Variants in COMMD1 observed in about 807,000 individuals in gnomAD.
COMMD1 encodes the protein copper metabolism domain containing 1, also known as COMM domain-containing protein 1.
In COMMD1, 10 loss-of-function variants were observed where a neutral mutation model predicts 17.2. The observed-to-expected ratio is 0.58, with a 90% confidence interval of 0.36 to 0.99. The LOEUF (loss-of-function observed/expected upper bound fraction) is 0.99, where lower values mean the gene tolerates loss of function less well. Among genes scored for constraint, COMMD1 ranks in the 50% least tolerant of loss-of-function variants. The pLI is 0.01. For synonymous variants in COMMD1, 97 were observed against 91.6 expected, an observed-to-expected ratio of 1.06 and a Z score of -0.34; for missense variants, 270 against 231.8, an observed-to-expected ratio of 1.17 and a Z score of -1.07.
At chr2:61,945,973 A>T (rs1243062074) in intron 1 of COMMD1, among the ~76,000 whole-genome samples, 3 of 152,164 alleles carry the variant, frequency 2.0e-5, no homozygotes, top group Non-Finnish European at 4.4e-5. Context: ...ATTAATGTTG[A>T]TGCTAGAGGG....
chr2:61,962,867 A>C (rs1573006582), intron 1 of COMMD1, among the ~76,000 whole-genome samples: 1 of 151,970 alleles, frequency 6.6e-6, no homozygotes, highest in South Asian at 2.1e-4. Flanking sequence ...TGCTATAATC[A>C]AACTATAATT....
At chr2:62,130,689 C>T (rs1213003788) in intron 2 of COMMD1, among the ~76,000 whole-genome samples, 2 of 152,088 alleles carry the variant, frequency 1.3e-5, no homozygotes, top group Non-Finnish European at 2.9e-5. Context: ...CTAAATGGTT[C>T]TATTCAAGTA....
At chr2:61,953,560 G>C (rs866167590) in intron 1 of COMMD1, among the ~76,000 whole-genome samples, 1 of 151,752 alleles carries the variant, frequency 6.6e-6, no homozygotes, top group Admixed American at 6.6e-5. Flanking sequence ...AGTAGAGACA[G>C]GGTTTCACCA....
At chr2:61,976,717 G>A (rs903540094) in intron 1 of COMMD1, among the ~76,000 whole-genome samples, 1 of 152,170 alleles carries the variant, frequency 6.6e-6, no homozygotes, top group Admixed American at 6.5e-5. Flanking sequence ...GAGATGAAGA[G>A]GTGGAACACA....
At chr2:61,909,980 C>T (rs1223677398) in intron 1 of COMMD1, among the ~76,000 whole-genome samples, 1 of 152,180 alleles carries the variant, frequency 6.6e-6, no homozygotes, top group Non-Finnish European at 1.5e-5. Flanking sequence ...GTTCTGTTTT[C>T]TGTTTAGAAT....
intron 2 of COMMD1, among the ~76,000 whole-genome samples, chr2:62,050,229 A>G (rs914904690): frequency 5.3e-5 from 8 of 152,232 alleles, no homozygotes; most frequent in Non-Finnish European, 1.0e-4. Context: ...TGCTTTAAGT[A>G]TCACTTTAAC....
chr2:62,076,653 A>G (rs572355398), intron 2 of COMMD1, among the ~76,000 whole-genome samples: 2 of 152,270 alleles, frequency 1.3e-5, no homozygotes, highest in South Asian at 2.1e-4. Flanking sequence ...AGGCTGAGGC[A>G]TGAGAATCAT....
chr2:61,931,453 G>A (rs1484228186), intron 1 of COMMD1, among the ~76,000 whole-genome samples: 1 of 152,198 alleles, frequency 6.6e-6, no homozygotes, highest in Non-Finnish European at 1.5e-5. Context: ...CTGCTTTTTG[G>A]CAAAGCCTTC....
intron 1 of COMMD1, among the ~76,000 whole-genome samples, chr2:61,909,907 C>T (rs1009064558): frequency 1.3e-5 from 2 of 152,168 alleles, no homozygotes; most frequent in Non-Finnish European, 2.9e-5. Flanking sequence ...AGCTGTAGCC[C>T]TTCCCTCTGA....
At chr2:62,106,764 A>C (rs1558602403) in intron 2 of COMMD1, among the ~76,000 whole-genome samples, 1 of 152,246 alleles carries the variant, frequency 6.6e-6, no homozygotes, top group African/African-American at 2.4e-5. Context: ...ATACTGCAGA[A>C]GTTTTCTGGA....
chr2:61,954,093 C>T (rs1443426796), intron 1 of COMMD1, among the ~76,000 whole-genome samples: 12 of 152,096 alleles, frequency 7.9e-5, no homozygotes, highest in Admixed American at 7.9e-4. Context: ...CCTGTAATCT[C>T]AGCTACTTGG....
intron 1 of COMMD1, among the ~76,000 whole-genome samples, chr2:61,990,083 A>AT (rs1284940107): frequency 6.6e-6 from 1 of 152,206 alleles, no homozygotes; most frequent in Non-Finnish European, 1.5e-5. Context: ...AGCAACTAAG[A>AT]TTTTCTAGGC....
intron 2 of COMMD1, among the ~76,000 whole-genome samples, chr2:62,008,959 T>G (rs899409450): frequency 2.6e-5 from 4 of 152,102 alleles, no homozygotes; most frequent in Non-Finnish European, 2.9e-5. Context: ...AATTTTTGCA[T>G]TTTTAGTAGA....
upstream of COMMD1, among the ~76,000 whole-genome samples, chr2:61,905,113 G>A (rs561586985): frequency 1.1e-4 from 17 of 152,320 alleles, no homozygotes; most frequent in South Asian, 3.5e-3. Flanking sequence ...TAAATAAGGT[G>A]TTAAAATATT....
chr2:62,086,438 G>C (rs1671671039), intron 2 of COMMD1, among the ~76,000 whole-genome samples: 1 of 151,684 alleles, frequency 6.6e-6, no homozygotes, highest in Non-Finnish European at 1.5e-5. Context: ...GTGAACCCGG[G>C]AGGCGGAGCT....
chr2:61,893,812 A>G (rs960680042), intron 1 of COMMD1, among the ~76,000 whole-genome samples: 1 of 146,662 alleles, frequency 6.8e-6, no homozygotes, highest in African/African-American at 2.5e-5. Flanking sequence ...CTCCATCTCA[A>G]AAAAAAAAAA....
chr2:62,092,998 G>A (rs796973421), intron 2 of COMMD1, among the ~76,000 whole-genome samples: 2 of 152,174 alleles, frequency 1.3e-5, no homozygotes, highest in Admixed American at 6.5e-5. Flanking sequence ...CAATGGAAAT[G>A]TTGTATTATA....
chr2:62,129,411 C>T lies in COMMD1; in HGVS notation c.463-6420C>T, dbSNP rs138877795. ...AATGGAAAATAATCAGCACAGTTTT[C>T]AGGAAAATATAAAATTTTAATTGGG... On this transcript the variant is annotated intron_variant, in intron 2 of 2. Transcript: ENST00000311832. 2.8e-3 allele frequency among the ~76,000 whole-genome samples: 422 copies of T among 152,228 alleles called. 2 individuals are homozygous for T. The highest frequency in any genetic ancestry group is 8.9e-3 in the African/African-American group (370 of 41,550).
chr2:62,010,701 C>G (rs1669253386), intron 2 of COMMD1, among the ~76,000 whole-genome samples: 2 of 152,116 alleles, frequency 1.3e-5, no homozygotes, highest in Non-Finnish European at 2.9e-5. Flanking sequence ...CTACCCACAT[C>G]CATTCCACCA....
Sources: allele counts gnomAD v4.1 joint callset (sites outside exome capture counted in the v4.1 genomes callset), GRCh38; gene constraint gnomAD v4.1.1; transcripts MANE v1.5; gene names NCBI Gene and HGNC (gene_info 2026-07-23, HGNC 2026-07-21).